Variants in ABCA13 observed in about 807,000 individuals in gnomAD.
ABCA13 encodes the protein ATP-binding cassette sub-family A member 13.
Under a neutral mutation model 478.7 loss-of-function variants are expected in ABCA13, and 476 were observed. The ratio of observed to expected loss-of-function variants is 0.99; its 90% confidence interval spans 0.92 to 1.07. ABCA13 has a LOEUF of 1.07. Ranked by LOEUF, ABCA13 falls within the 50% of genes least tolerant of loss-of-function variation. The pLI, the probability that ABCA13 is intolerant of heterozygous loss-of-function variation, is 0.00. For missense variants in ABCA13, 6,060 were observed against 5,910.6 expected, an observed-to-expected ratio of 1.03 and a Z score of -0.83; for synonymous variants, 2,252 against 2,158.9, an observed-to-expected ratio of 1.04 and a Z score of -1.20.
intron 41 of ABCA13, among the ~76,000 whole-genome samples, chr7:48,416,805 C>G (rs1180271600): frequency 1.3e-5 from 2 of 152,058 alleles, no homozygotes; most frequent in African/African-American, 4.8e-5. Context: ...GTCCATGCTT[C>G]TCCTTCTGAT....
Position 48,643,371 on chromosome 7 carries a change from A to T in ABCA13, c.14921A>T (p.Tyr4974Phe), listed in dbSNP as rs750848503. ...ACTGTTTCTGACCACTTGAAGCTTT[A>T]TTTTCCAGGAATTCAGTTCAAGGTA... ...HCTVSDHLKLYFPGIQFKGQH... is the reference protein window; with the variant it reads ...HCTVSDHLKLFFPGIQFKGQH... Residue 4974 changes from tyrosine (Y) to phenylalanine (F), a missense_variant, in exon 60 of 62, where the codon TAT (tyrosine) becomes TTT (phenylalanine). Physicochemically the swap from Tyr to Phe is conservative, Grantham distance 22. Around this residue, in one of 3 missense-constraint regions of ABCA13, gnomAD observed 1,627 missense variants for 1,571.0 expected, o/e 1.04. Coordinates refer to ENST00000435803, the MANE Select transcript of ABCA13 (RefSeq NM_152701.5). 2 of 1,613,378 alleles carry T rather than the reference A, an allele frequency of 1.2e-6. No individual in the cohort carries two copies. Among genetic ancestry groups the T allele is most frequent in the Admixed American group, 1.7e-5 (1 of 59,992 alleles).
chr7:48,626,605 G>A lies in ABCA13; in HGVS notation c.14837+11228G>A, dbSNP rs370661024. The A allele has an allele frequency of 3.6e-5, 35 of 985,438 alleles. 1 individual carries two copies. The South Asian group carries it at 1.6e-3, about 44-fold the overall frequency. The allele number at this position is 985,438 out of a possible 1,614,324, so 61.0% of individuals were successfully genotyped here. A position where few individuals can be genotyped will look rare whatever the true frequency, so the allele number is the denominator to read the frequency against. ...AGAAATTTTTGTTCTCTAGTAGGAA[G>A]TTAAATAAGACAAACTGAAGTCAAC... is the stretch of plus-strand genomic sequence containing the variant. On this transcript the variant is annotated intron_variant, in intron 59 of 61. Coordinates refer to ENST00000435803, the MANE Select transcript of ABCA13 (RefSeq NM_152701.5).
intron 23 of ABCA13, 125 bp downstream of exon 23, chr7:48,298,612 T>C: frequency 8.9e-7 from 1 of 1,127,480 alleles, no homozygotes; most frequent in Non-Finnish European, 1.2e-6. Flanking sequence ...AGTGGGTTGC[T>C]GCACAAATGA....
In ABCA13 at chr7:48,276,267, G is replaced by T; in HGVS notation, c.6601G>T (p.Val2201Phe). The T allele has an allele frequency of 6.4e-7, 1 of 1,566,892 alleles. No homozygotes were observed. The highest frequency in any genetic ancestry group is 8.7e-7 in the Non-Finnish European group (1 of 1,155,384). The change falls in exon 17 of 62, where the codon GTT (valine) becomes TTT (phenylalanine). Residue 2201 changes from valine (V) to phenylalanine (F), a missense_variant. By Grantham distance (50) the Val-to-Phe change is conservative. Transcript: ENST00000435803. The stretch of plus-strand genomic sequence containing the variant: ...AGAACAGCTGACTAATTTCTCAGTT[G>T]TTCAGCTGCTTTTTGAAAACATCCT... ...NQEQLTNFSV[V>F]QLLFENILIN...
chr7:48,364,531 C>G (rs76507494), intron 31 of ABCA13, among the ~76,000 whole-genome samples: 5,928 of 152,232 alleles, frequency 0.039, 138 homozygotes, highest in Middle Eastern at 0.061. Flanking sequence ...TCCATTTGTA[C>G]ACACTAAACA....
At chr7:48,487,370 A>T (rs1829430207) in intron 47 of ABCA13, among the ~76,000 whole-genome samples, 2 of 151,872 alleles carry the variant, frequency 1.3e-5, no homozygotes, top group Non-Finnish European at 2.9e-5. Flanking sequence ...AAGTCTCAGA[A>T]TCTACAAAGG....
intron 48 of ABCA13, among the ~76,000 whole-genome samples, chr7:48,494,026 T>C (rs1830058604): frequency 1.3e-5 from 2 of 152,164 alleles, no homozygotes; most frequent in South Asian, 4.1e-4. Context: ...GGCTACTGGG[T>C]GTCAGGGGAG....
intron 24 of ABCA13, among the ~76,000 whole-genome samples, chr7:48,312,145 T>C (rs985515493): frequency 6.6e-6 from 1 of 152,294 alleles, no homozygotes; most frequent in Admixed American, 6.5e-5. Context: ...CCCGGAGCCC[T>C]GAAAGTCATC....
Position 48,450,692 on chromosome 7 carries a change from C to CT in ABCA13, c.12566-4345_12566-4344insT, listed in dbSNP as rs548400266. Among the ~76,000 whole-genome samples, 47 of 152,116 alleles carry CT rather than the reference C, an allele frequency of 3.1e-4. 1 individual carries two copies. In the South Asian group the frequency reaches 9.5e-3, roughly 31 times the overall value. On this transcript the variant is annotated intron_variant, in intron 42 of 61. Coordinates refer to ENST00000435803, the MANE Select transcript of ABCA13 (RefSeq NM_152701.5). Reference sequence around the variant, plus strand: ...ATTTCATATGTGATGTTTTAACCCTCCCTCATTTTTTGGTTAATACACGCT... The same window carrying CT: ...ATTTCATATGTGATGTTTTAACCCTCTCCTCATTTTTTGGTTAATACACGCT...
At chr7:48,219,275 G>C in intron 3 of ABCA13, 79 bp from the exon 4 acceptor site, 1 of 1,448,488 alleles carries the variant, frequency 6.9e-7, no homozygotes, top group African/African-American at 1.5e-5. Context: ...AAGCAATTTG[G>C]TATCAAGAAT....
chr7:48,342,123 T>G (rs965022452), intron 29 of ABCA13, among the ~76,000 whole-genome samples: 9 of 151,936 alleles, frequency 5.9e-5, no homozygotes, highest in African/African-American at 2.2e-4. Flanking sequence ...TTTCTAAATA[T>G]TTGGTATTAT....
intron 55 of ABCA13, among the ~76,000 whole-genome samples, chr7:48,547,623 G>A (rs1396125095): frequency 6.6e-6 from 1 of 151,820 alleles, no homozygotes; most frequent in African/African-American, 2.4e-5. Context: ...TGCACACATG[G>A]TCCGTGATGT....
intron 52 of ABCA13, 46 bp downstream of exon 52, chr7:48,516,927 G>T: frequency 1.9e-6 from 3 of 1,581,642 alleles, no homozygotes; most frequent in Non-Finnish European, 2.6e-6. Flanking sequence ...CACCTCTAGT[G>T]CAAAGACGGT....
intron 42 of ABCA13, among the ~76,000 whole-genome samples, chr7:48,437,314 C>T (rs1034812398): frequency 6.6e-6 from 1 of 151,958 alleles, no homozygotes; most frequent in Non-Finnish European, 1.5e-5. Context: ...AAAGTTTATT[C>T]TATCTGATAT....
intron 43 of ABCA13, among the ~76,000 whole-genome samples, chr7:48,466,434 C>T (rs562901553): frequency 6.6e-6 from 1 of 152,242 alleles, no homozygotes; most frequent in Admixed American, 6.5e-5. Flanking sequence ...GTGTTGAGGA[C>T]CTCTGTTAAG....
intron 3 of ABCA13, among the ~76,000 whole-genome samples, chr7:48,208,380 A>G (rs1460503500): frequency 6.6e-6 from 1 of 152,012 alleles, no homozygotes; most frequent in East Asian, 1.9e-4. Flanking sequence ...ATTGAATCTG[A>G]AGATTGCTTT....
chr7:48,552,782 A>T (rs1785452883), intron 55 of ABCA13, among the ~76,000 whole-genome samples: 1 of 151,672 alleles, frequency 6.6e-6, no homozygotes, highest in African/African-American at 2.4e-5. Flanking sequence ...ACATCATGAC[A>T]AATGGGGTAT....
rs757872863 is a variant in ABCA13, at chr7:48,279,468, T to C, written c.8274T>C (p.Ser2758=). The change falls in exon 18 of 62, where the codon TCT becomes TCC. Residue 2758 remains serine, a synonymous_variant. Transcript: ENST00000435803. ...KNLKKDNWNV[S]NVLMTFTQHP... ...TAAAGAAAGATAATTGGAATGTTTC[T>C]AATGTGTTGATGACATTTACTCAGC... 8.7e-6 allele frequency: 14 copies of C among 1,611,042 alleles called. No homozygotes were observed. In the African/African-American group the frequency reaches 1.1e-4, roughly 12 times the overall value.
At chr7:48,468,618 A>G (rs540968487) in intron 44 of ABCA13, among the ~76,000 whole-genome samples, 42 of 152,332 alleles carry the variant, frequency 2.8e-4, no homozygotes, top group African/African-American at 9.6e-4. Context: ...TTTTACTTAA[A>G]ACCTGTAGAT....
Sources: gnomAD v4.1 joint callset for allele counts (sites outside exome capture counted in the v4.1 genomes callset) on GRCh38, gnomAD v4.1.1 for gene constraint, gnomAD v4.1.1 regional missense constraint, MANE v1.5 for transcripts, NCBI Gene and HGNC (gene_info 2026-07-23, HGNC 2026-07-21) for gene names.